GLCCI1: variants seen among roughly 807,000 people sequenced by gnomAD.
GLCCI1 encodes the protein glucocorticoid-induced transcript 1 protein.
In GLCCI1, 24 loss-of-function variants were observed where a neutral mutation model predicts 52.2. The observed-to-expected ratio is 0.46, with a 90% CI of 0.33 to 0.65. GLCCI1 has a LOEUF of 0.65. Ranked by LOEUF, GLCCI1 falls within the 30% of genes least tolerant of loss-of-function variation. The probability of loss-of-function intolerance (pLI) is 0.02; values close to 1 mark genes in which losing one functional copy is unlikely to be tolerated. For synonymous variants in GLCCI1, 310 were observed against 276.5 expected (o/e 1.12, Z -1.20); for missense variants, 704 against 701.5 (o/e 1.00, Z -0.04).
rs573995038 is a variant in GLCCI1 at position 8,083,706 on chromosome 7, C to CTAGCTTTCCCAATA, written c.1178-1191_1178-1190insTAGCTTTCCCAATA. On this transcript the variant is annotated intron_variant, in intron 6 of 7. Coordinates refer to ENST00000223145, the MANE Select transcript of GLCCI1 (RefSeq NM_138426.4). The stretch of plus-strand genomic sequence containing the variant: ...TTTTCTAGCTTTCCCAATAGTATAA[C>CTAGCTTTCCCAATA]GTTATTATTTTGCAGACAGTGGTTT... Among the ~76,000 whole-genome samples, 462 of 152,132 alleles carry CTAGCTTTCCCAATA rather than the reference C, an allele frequency of 3.0e-3. 2 individuals carry two copies. Among genetic ancestry groups the CTAGCTTTCCCAATA allele is most frequent in the African/African-American group, 0.011 (444 of 41,482 alleles).
chr7:8,044,111 A>AT (rs940858455), intron 3 of GLCCI1, among the ~76,000 whole-genome samples: 6 of 151,730 alleles, frequency 4.0e-5, no homozygotes, highest in Admixed American at 3.3e-4. Context: ...TGCCTGGCTA[A>AT]TTTTTTTATA....
At chr7:8,036,327 A>G (rs1401137095) in intron 3 of GLCCI1, among the ~76,000 whole-genome samples, 1 of 152,236 alleles carries the variant, frequency 6.6e-6, no homozygotes, top group East Asian at 1.9e-4. Context: ...CTTTGCTTTC[A>G]GTGGAAAGCA....
intron 2 of GLCCI1, among the ~76,000 whole-genome samples, chr7:8,008,834 A>T (rs1781205837): frequency 6.6e-6 from 1 of 152,180 alleles, no homozygotes; most frequent in South Asian, 2.1e-4. Flanking sequence ...TAGCTGGTGG[A>T]GTAAATAGAG....
At chr7:8,019,956 C>G (rs1488624683) in intron 2 of GLCCI1, among the ~76,000 whole-genome samples, 2 of 152,158 alleles carry the variant, frequency 1.3e-5, no homozygotes, top group Non-Finnish European at 2.9e-5. Flanking sequence ...TTTCTAAGCA[C>G]TGCACATTTA....
chr7:8,000,887 C>T (rs1454483041), intron 1 of GLCCI1, among the ~76,000 whole-genome samples: 2 of 152,006 alleles, frequency 1.3e-5, no homozygotes, highest in Admixed American at 6.6e-5. Flanking sequence ...TTTCCATTTG[C>T]TTGGTATATC....
rs1218436029 is a variant in GLCCI1 at position 7,969,689 on chromosome 7, G to C, written c.339G>C (p.Ala113=). The C allele has an allele frequency of 5.2e-6, 6 of 1,161,752 alleles. No individual in the cohort carries two copies. The highest frequency in any genetic ancestry group is 5.3e-6 in the Non-Finnish European group (5 of 941,566). The allele number at this position is 1,161,752 out of a possible 1,614,324, so 72.0% of individuals were successfully genotyped here. ...GCCCGTCCAGCCCGACGCCGCCGGC[G>C]GCCGCAGCCCCGGCCGAGCAGGCGC... ...GPSPSSPTPP[A]AAAPAEQAPR... Residue 113 remains alanine (A), a synonymous_variant, in exon 1 of 8, where the codon GCG becomes GCC. Transcript: ENST00000223145. This position sits in a 1 kb window ranked among gnomAD's most constrained non-coding sequence, Gnocchi z 4.9.
chr7:7,984,226 A>C (rs976503361), intron 1 of GLCCI1, among the ~76,000 whole-genome samples: 5 of 151,980 alleles, frequency 3.3e-5, no homozygotes, highest in Non-Finnish European at 2.9e-5. Flanking sequence ...ACACCTGGCT[A>C]ATTTTTTAAT....
At chr7:8,011,397 T>C (rs541107162) in intron 2 of GLCCI1, among the ~76,000 whole-genome samples, 2 of 152,128 alleles carry the variant, frequency 1.3e-5, no homozygotes, top group Non-Finnish European at 2.9e-5. Flanking sequence ...AATCATACAG[T>C]ATTTTCCTTT....
chr7:7,969,400 A>C lies in GLCCI1; in HGVS notation c.50A>C (p.His17Pro). 1.6e-4 allele frequency: 229 copies of C among 1,395,888 alleles called. No individual in the cohort carries two copies. The highest frequency in any genetic ancestry group is 9.4e-4 in the Middle Eastern group (4 of 4,242). The allele number at this position is 1,395,888 out of a possible 1,614,324, so 86.5% of individuals were successfully genotyped here. The change falls in exon 1 of 8, where the codon CAT (histidine) becomes CCT (proline). Residue 17 changes from histidine (H) to proline (P), a missense_variant. His to Pro is a moderately conservative substitution (Grantham distance 77, BLOSUM62 -2). Around this residue, in one of 3 missense-constraint regions of GLCCI1, gnomAD observed 547 missense variants for 524.8 expected, o/e 1.04. Transcript: ENST00000223145. This position sits in a 1 kb window ranked among gnomAD's most constrained non-coding sequence, Gnocchi z 4.9. ...TCCTCCAGTTCCTCTCAGACCCCTC[A>C]TCCCCCGTCGCAGAGGATGAGGCGC... Reference protein sequence around the residue: ...SSSSSSSQTPHPPSQRMRRSA... With the variant: ...SSSSSSSQTPPPPSQRMRRSA...
chr7:7,973,665 A>T (rs1307764148), intron 1 of GLCCI1, among the ~76,000 whole-genome samples: 1 of 152,110 alleles, frequency 6.6e-6, no homozygotes, highest in East Asian at 1.9e-4. Flanking sequence ...ATACTCTACC[A>T]GATTGCTAAC....
At chr7:8,028,493 G>A (rs1781670810) in intron 3 of GLCCI1, among the ~76,000 whole-genome samples, 1 of 152,088 alleles carries the variant, frequency 6.6e-6, no homozygotes. Context: ...AGCTGTAAGT[G>A]CCTACATCAA....
chr7:8,072,106 A>G (rs909218889), intron 6 of GLCCI1, among the ~76,000 whole-genome samples: 1 of 152,118 alleles, frequency 6.6e-6, no homozygotes, highest in Non-Finnish European at 1.5e-5. Flanking sequence ...TTATCCCACA[A>G]GGCTCCCTTG....
chr7:7,994,334 T>A (rs38000), intron 1 of GLCCI1, among the ~76,000 whole-genome samples: 95,372 of 152,118 alleles, frequency 0.63, 30,652 homozygotes, highest in African/African-American at 0.78. Flanking sequence ...ATTTAATGAA[T>A]TTAAACTATT....
intron 1 of GLCCI1, among the ~76,000 whole-genome samples, chr7:7,987,815 C>G (rs1176418804): frequency 6.6e-6 from 1 of 152,014 alleles, no homozygotes; most frequent in African/African-American, 2.4e-5. Context: ...TCAGGCTGTT[C>G]TGGCCTCAAG....
intron 6 of GLCCI1, among the ~76,000 whole-genome samples, chr7:8,083,577 A>G (rs146666000): frequency 6.6e-6 from 1 of 152,194 alleles, no homozygotes; most frequent in African/African-American, 2.4e-5. Context: ...TCTGAATGGT[A>G]TATGAAGAAA....
intron 3 of GLCCI1, among the ~76,000 whole-genome samples, chr7:8,048,648 T>C (rs1367371626): frequency 6.6e-6 from 1 of 152,162 alleles, no homozygotes; most frequent in African/African-American, 2.4e-5. Context: ...TTAGATTTGA[T>C]TTTATCCTAC....
At chr7:8,084,826 G>A (rs763787267) in intron 6 of GLCCI1, 71 bp from the exon 7 acceptor site, 3 of 1,527,862 alleles carry the variant, frequency 2.0e-6, no homozygotes, top group Non-Finnish European at 2.7e-6. Flanking sequence ...TGTGCAAAAG[G>A]CTGTTTGTTT....
chr7:8,054,325 TAATCTTA>T (rs1032851692), intron 3 of GLCCI1, among the ~76,000 whole-genome samples: 4 of 152,182 alleles, frequency 2.6e-5, no homozygotes, highest in African/African-American at 9.6e-5. Context: ...AATATTCACA[TAATCTTA>T]TTTGTGTATC....
rs559396837 is a variant in GLCCI1 at position 8,014,039 on chromosome 7, G to C, written c.610-8444G>C. Among the ~76,000 whole-genome samples the C allele has an allele frequency of 4.6e-5, 7 of 151,002 alleles. No homozygotes were observed. In the South Asian group the frequency reaches 1.5e-3, roughly 32 times the overall value. ...GAGTCTTGCTCTGTCGCCCAGGCTG[G>C]AGTGCAATGGCACTGTCTTGGCTCA... On this transcript the variant is annotated intron_variant, in intron 2 of 7. Transcript: ENST00000223145.
Sources: gnomAD v4.1 joint callset for allele counts (sites outside exome capture counted in the v4.1 genomes callset) on GRCh38, gnomAD v4.1.1 for gene constraint, gnomAD v4.1.1 regional missense constraint, Gnocchi (gnomAD v3.1) non-coding constraint, MANE v1.5 for transcripts, NCBI Gene and HGNC (gene_info 2026-07-23, HGNC 2026-07-21) for gene names.